The following S100PBP variants were observed in gnomAD, a reference collection of about 807,000 sequenced individuals.
S100PBP encodes the protein S100P binding protein, also known as S100P-binding protein.
Under a neutral mutation model 39.9 loss-of-function variants are expected in S100PBP, and 15 were observed. The observed-to-expected ratio is 0.38, with a 90% CI of 0.25 to 0.58. The LOEUF is 0.58. Among genes scored for constraint, S100PBP ranks in the 20% least tolerant of loss-of-function variants. The pLI is 0.70. For synonymous variants in S100PBP, 178 were observed against 180.3 expected (o/e 0.99, Z 0.10); for missense variants, 504 against 487.3 (o/e 1.03, Z -0.32).
At chr1:32,841,768 T>C (rs575581110) in intron 5 of S100PBP, among the ~76,000 whole-genome samples, 10 of 151,470 alleles carry the variant, frequency 6.6e-5, no homozygotes, top group Non-Finnish European at 1.5e-4. Context: ...GGATTATGCT[T>C]TCATGTGGTA....
chr1:32,829,750 C>T (rs1175130979), intron 4 of S100PBP, among the ~76,000 whole-genome samples: 2 of 152,190 alleles, frequency 1.3e-5, no homozygotes, highest in African/African-American at 4.8e-5. Flanking sequence ...TGAGCCACCA[C>T]ACCCAGCTTC....
intron 5 of S100PBP, among the ~76,000 whole-genome samples, chr1:32,838,047 T>C (rs1035850401): frequency 4.6e-5 from 7 of 152,088 alleles, no homozygotes; most frequent in African/African-American, 1.7e-4. Flanking sequence ...GTTTAACTTT[T>C]TGAGAAACTG....
At chr1:32,821,429 C>T (rs1156787465) in intron 1 of S100PBP, among the ~76,000 whole-genome samples, 2 of 151,806 alleles carry the variant, frequency 1.3e-5, no homozygotes, top group African/African-American at 4.8e-5. Context: ...TCAAACAGTT[C>T]CCCTGCCTCA....
intron 5 of S100PBP, among the ~76,000 whole-genome samples, chr1:32,834,455 C>G (rs1639732098): frequency 6.6e-6 from 1 of 152,158 alleles, no homozygotes; most frequent in Admixed American, 6.5e-5. Context: ...CCTCCATTCT[C>G]TGTATTTCCT....
chr1:32,844,617 C>T (rs895561012), intron 5 of S100PBP, among the ~76,000 whole-genome samples: 4 of 151,910 alleles, frequency 2.6e-5, no homozygotes, highest in African/African-American at 7.3e-5. Flanking sequence ...GCTACAGGCA[C>T]GTGCCACTAT....
chr1:32,832,980 C>T (rs1639665917), intron 5 of S100PBP, among the ~76,000 whole-genome samples: 1 of 146,178 alleles, frequency 6.8e-6, no homozygotes, highest in Non-Finnish European at 1.5e-5. Flanking sequence ...TTTAGTGCCC[C>T]ATGGGTTTTT....
At chr1:32,847,079 C>T (rs1038271803) in intron 5 of S100PBP, among the ~76,000 whole-genome samples, 17 of 151,998 alleles carry the variant, frequency 1.1e-4, no homozygotes, top group African/African-American at 9.7e-5. Flanking sequence ...CGTGCCTGGC[C>T]GTAACAGTAA....
chr1:32,844,821 A>C lies in S100PBP; in HGVS notation c.1025-8258A>C, dbSNP rs112690828. The stretch of plus-strand genomic sequence containing the variant: ...TCTATAGAGAGATATATATCTCTAT[A>C]TATCTATATATATATATCTTTTTTT... On this transcript the variant is annotated intron_variant, in intron 5 of 6. Transcript: ENST00000373475. Among the ~76,000 whole-genome samples, 473 of 151,348 alleles carry C rather than the reference A, an allele frequency of 3.1e-3. 7 individuals are homozygous for C. Among genetic ancestry groups the C allele is most frequent in the African/African-American group, 0.011 (448 of 41,374 alleles).
chr1:32,851,509 T>TA (rs1177004280), intron 5 of S100PBP, among the ~76,000 whole-genome samples: 2 of 151,814 alleles, frequency 1.3e-5, no homozygotes, highest in Non-Finnish European at 2.9e-5. Flanking sequence ...CTACTAAAAA[T>TA]ACAAAAATTA....
At chr1:32,830,119 T>C (rs757637683) in intron 5 of S100PBP, 52 bp downstream of exon 5, 2 of 1,145,716 alleles carry the variant, frequency 1.7e-6, no homozygotes, top group Admixed American at 1.8e-5. Context: ...TGACTTTCTC[T>C]TTCCGGTGTA....
rs1356446184 is a variant in S100PBP, at chr1:32,857,908, TG to T, written c.*1871del. 2.0e-5 allele frequency: 3 copies of T among 152,236 alleles called. No homozygotes were observed. The highest frequency in any genetic ancestry group is 7.2e-5 in the African/African-American group (3 of 41,460). 9.4% of individuals were successfully genotyped at this position (152,236 alleles called of 1,614,324 possible). A position where few individuals can be genotyped will look rare whatever the true frequency, so the allele number is the denominator to read the frequency against. On this transcript the variant is annotated 3_prime_UTR_variant, in exon 7 of 7. Transcript: ENST00000373475. ...AAGGATTTGCTTTTCCTTGAACATT[TG>T]TTTTAAATTCTGGGGCCAAAATGCA...
intron 5 of S100PBP, among the ~76,000 whole-genome samples, chr1:32,852,291 C>T (rs531765913): frequency 2.1e-4 from 32 of 151,182 alleles, no homozygotes; most frequent in South Asian, 8.4e-4. Context: ...CTAGCCTGGA[C>T]GACAGAGCAA....
At chr1:32,846,632 A>C (rs1254469249) in intron 5 of S100PBP, among the ~76,000 whole-genome samples, 4 of 151,616 alleles carry the variant, frequency 2.6e-5, no homozygotes, top group African/African-American at 9.7e-5. Context: ...TGGAGATGGG[A>C]TCTCACTCTG....
At chr1:32,837,837 G>A (rs1164980971) in intron 5 of S100PBP, among the ~76,000 whole-genome samples, 5 of 151,930 alleles carry the variant, frequency 3.3e-5, no homozygotes, top group African/African-American at 7.3e-5. Context: ...TTATTGCTGA[G>A]TAGTATTCCA....
intron 1 of S100PBP, among the ~76,000 whole-genome samples, chr1:32,818,322 G>C (rs542323412): frequency 6.0e-4 from 91 of 152,378 alleles, no homozygotes; most frequent in African/African-American, 2.1e-3. Context: ...TTGTGAGAGA[G>C]AGCCAAGGCA....
At chr1:32,817,303 C>T (rs1638778026), upstream of S100PBP, 3 of 1,602,428 alleles carry the variant, frequency 1.9e-6, no homozygotes, top group Non-Finnish European at 2.6e-6. Context: ...TCCTGGGTCA[C>T]CGTCGCCGCC....
chr1:32,830,341 C>T (rs1639539132), intron 5 of S100PBP, among the ~76,000 whole-genome samples: 1 of 147,218 alleles, frequency 6.8e-6, no homozygotes, highest in Non-Finnish European at 1.5e-5. Context: ...CAGACCGGTA[C>T]ATTTTTGCTA....
chr1:32,834,570 A>G (rs184529707), intron 5 of S100PBP, among the ~76,000 whole-genome samples: 68 of 152,346 alleles, frequency 4.5e-4, no homozygotes, highest in Middle Eastern at 3.4e-3. Context: ...ACTATACCCT[A>G]CACTATATCC....
At chr1:32,855,150 T>C (rs1413131129) in intron 6 of S100PBP, among the ~76,000 whole-genome samples, 3 of 152,354 alleles carry the variant, frequency 2.0e-5, no homozygotes, top group Non-Finnish European at 2.9e-5. Flanking sequence ...TGTGGAGATA[T>C]CTAAAAATAC....
Sources: allele counts gnomAD v4.1 joint callset (sites outside exome capture counted in the v4.1 genomes callset), GRCh38; gene constraint gnomAD v4.1.1; transcripts MANE v1.5; gene names NCBI Gene and HGNC (gene_info 2026-07-23, HGNC 2026-07-21).